PCDHGA2: variants seen among roughly 807,000 people sequenced by gnomAD.
The protein encoded by PCDHGA2 is protocadherin gamma subfamily A, 2.
PCDHGA2 carries 40 observed loss-of-function variants against 59.2 expected under a neutral mutation model. That is an observed-to-expected ratio of 0.68 (90% confidence interval 0.52 to 0.88). The LOEUF (loss-of-function observed/expected upper bound fraction) is 0.88, where lower values mean the gene tolerates loss of function less well. PCDHGA2 is among the 40% of genes least tolerant of loss of function. The pLI is 0.00. For synonymous variants in PCDHGA2, 560 were observed against 526.0 expected (o/e 1.06, Z -0.89); for missense variants, 1,226 against 1,204.0 (o/e 1.02, Z -0.27).
chr5:141,409,629 C>T (rs1379627250), intron 1 of PCDHGA2: 3 of 1,613,860 alleles, frequency 1.9e-6, no homozygotes, highest in East Asian at 4.5e-5. Flanking sequence ...CAAGTGAGCG[C>T]CTCTGACCCG....
At chr5:141,363,694 A>G (rs1278422329) in intron 1 of PCDHGA2, among the ~76,000 whole-genome samples, 1 of 152,244 alleles carries the variant, frequency 6.6e-6, no homozygotes, top group African/African-American at 2.4e-5. Context: ...ACTTACATAA[A>G]TCAGTAGGCC....
intron 1 of PCDHGA2, chr5:141,384,387 C>A (rs774707320): frequency 6.2e-7 from 1 of 1,613,950 alleles, no homozygotes; most frequent in Admixed American, 1.7e-5. Context: ...AAGACACCAT[C>A]CAGGGGGCTC....
intron 1 of PCDHGA2, chr5:141,370,579 C>T (rs1363089193): frequency 1.9e-6 from 3 of 1,613,818 alleles, no homozygotes; most frequent in Non-Finnish European, 2.5e-6. Context: ...GGGGATTTAC[C>T]TACTAGGAAC....
Position 141,340,418 on chromosome 5 carries a change from G to C in PCDHGA2, c.1447G>C (p.Asp483His), listed in dbSNP as rs1289323808. The C allele has an allele frequency of 1.2e-6, 2 of 1,614,042 alleles. No individual in the cohort carries two copies. The highest frequency in any genetic ancestry group is 2.7e-5 in the African/African-American group (2 of 74,900). ...SVTAHDPDSN[D>H]NAHVTYSFAE... is the part of the protein sequence containing the mutation. ...GACGGCCCATGACCCCGACAGCAAC[G>C]ACAATGCTCATGTAACTTACTCTTT... The change falls in exon 1 of 4, where the codon GAC becomes CAC. Residue 483 changes from aspartate to histidine, a missense_variant. By Grantham distance (81) the Asp-to-His change is moderately conservative. Transcript: ENST00000394576.
At chr5:141,384,163 C>T in intron 1 of PCDHGA2, 1 of 1,613,658 alleles carries the variant, frequency 6.2e-7, no homozygotes, top group Non-Finnish European at 8.5e-7. Context: ...TAACATCACA[C>T]TGAAAGCCAC....
At chr5:141,370,796 C>T (rs1460787163) in intron 1 of PCDHGA2, 2 of 1,613,888 alleles carry the variant, frequency 1.2e-6, no homozygotes, top group Non-Finnish European at 1.7e-6. Context: ...CGACCTTTAG[C>T]CAAAATATCA....
At chr5:141,501,308 C>T (rs1220463692) in intron 2 of PCDHGA2, among the ~76,000 whole-genome samples, 2 of 151,492 alleles carry the variant, frequency 1.3e-5, no homozygotes, top group African/African-American at 2.4e-5. Context: ...CACACACACA[C>T]ACACACACAC....
In PCDHGA2 at chr5:141,409,485, G is replaced by A. The variant is rs374642418; in HGVS notation, c.2424+68090G>A. On this transcript the variant is annotated intron_variant, in intron 1 of 3. Coordinates refer to ENST00000394576, the MANE Select transcript of PCDHGA2 (RefSeq NM_018915.4). ...GTCACCATCGTAGCCACTGACAGGG[G>A]CAAGCCGCCTCTTTCTTCCAGTAGA... 9.9e-6 allele frequency: 16 copies of A among 1,613,856 alleles called. No homozygotes were observed. Among genetic ancestry groups the A allele is most frequent in the African/African-American group, 9.3e-5 (7 of 74,934 alleles).
At chr5:141,463,831 C>T (rs2099070299) in intron 1 of PCDHGA2, among the ~76,000 whole-genome samples, 1 of 152,174 alleles carries the variant, frequency 6.6e-6, no homozygotes, top group African/African-American at 2.4e-5. Flanking sequence ...TGATCCACTT[C>T]CCAGTTGTTA....
At chr5:141,369,314 T>C (rs1414185068) in intron 1 of PCDHGA2, among the ~76,000 whole-genome samples, 1 of 152,134 alleles carries the variant, frequency 6.6e-6, no homozygotes, top group Non-Finnish European at 1.5e-5. Flanking sequence ...TTAGGCTACT[T>C]GAGAAGAAAC....
At chr5:141,455,959 G>A (rs112864392) in intron 1 of PCDHGA2, among the ~76,000 whole-genome samples, 2 of 150,430 alleles carry the variant, frequency 1.3e-5, no homozygotes. Flanking sequence ...GTGCAGTGGC[G>A]CGATCTCAGC....
chr5:141,393,727 A>C, intron 1 of PCDHGA2: 1 of 1,613,852 alleles, frequency 6.2e-7, no homozygotes, highest in Non-Finnish European at 8.5e-7. Flanking sequence ...TCAATAGCAA[A>C]AAGTCTAGAT....
chr5:141,387,021 G>A (rs1385427303), intron 1 of PCDHGA2, among the ~76,000 whole-genome samples: 1 of 152,158 alleles, frequency 6.6e-6, no homozygotes, highest in Non-Finnish European at 1.5e-5. Context: ...GAAGATGAAT[G>A]TTGTATTTCA....
intron 1 of PCDHGA2, chr5:141,399,630 G>A: frequency 1.9e-6 from 3 of 1,613,874 alleles, no homozygotes; most frequent in Non-Finnish European, 1.7e-6. Flanking sequence ...CCTCTTACGT[G>A]TCCATGAGCG....
At chr5:141,386,658 G>A (rs191902245) in intron 1 of PCDHGA2, among the ~76,000 whole-genome samples, 60 of 151,932 alleles carry the variant, frequency 3.9e-4, no homozygotes, top group African/African-American at 1.4e-3. Context: ...TACAAGTTCT[G>A]CAGTGTTCAC....
chr5:141,476,565 C>T lies in PCDHGA2; in HGVS notation c.2425-18242C>T. 6.2e-7 allele frequency: 1 copy of T among 1,614,184 alleles called. No individual in the cohort carries two copies. Among genetic ancestry groups the T allele is most frequent in the Non-Finnish European group, 8.5e-7 (1 of 1,180,034 alleles). On this transcript the variant is annotated intron_variant, in intron 1 of 3. Coordinates refer to ENST00000394576, the MANE Select transcript of PCDHGA2 (RefSeq NM_018915.4). This position sits in a 1 kb window ranked among gnomAD's most constrained non-coding sequence, Gnocchi z 7.6. ...TTGGAGATTAGCGAGGCCGTGGCTC[C>T]GGGGACGCGCTTTCCGCTCGAGAGC...
intron 3 of PCDHGA2, among the ~76,000 whole-genome samples, chr5:141,510,373 T>TC (rs112437269): frequency 0.25 from 37,727 of 151,394 alleles, 4,765 homozygotes; most frequent in Admixed American, 0.33. Context: ...GAATCTCTAC[T>TC]CGTGCCAGGC....
chr5:141,364,154 G>T (rs1052849617), intron 1 of PCDHGA2: 10 of 590,840 alleles, frequency 1.7e-5, no homozygotes, highest in Admixed American at 3.8e-5. Flanking sequence ...AGAAGCTGCC[G>T]CAGAGGCGAC....
At chr5:141,362,004 G>T in intron 1 of PCDHGA2, 1 of 1,604,470 alleles carries the variant, frequency 6.2e-7, no homozygotes, top group South Asian at 1.1e-5. Flanking sequence ...GGTTGCGCAC[G>T]GGTGAGGTGC....
Sources: gnomAD v4.1 joint callset for allele counts (sites outside exome capture counted in the v4.1 genomes callset) on GRCh38, gnomAD v4.1.1 for gene constraint, Gnocchi (gnomAD v3.1) non-coding constraint, MANE v1.5 for transcripts, NCBI Gene and HGNC (gene_info 2026-07-23, HGNC 2026-07-21) for gene names.